The following UBA1 variants were observed in gnomAD, a reference collection of about 807,000 sequenced individuals.
The protein encoded by UBA1 is ubiquitin like modifier activating enzyme 1.
In UBA1, 4 loss-of-function variants were observed where a neutral mutation model predicts 84.7. The observed-to-expected ratio is 0.05, with a 90% CI of 0.02 to 0.11. UBA1 has a LOEUF of 0.11. Among genes scored for constraint, UBA1 ranks in the 10% least tolerant of loss-of-function variants. UBA1 has a pLI of 1.00. For missense variants in UBA1, 513 were observed against 902.8 expected (o/e 0.57, Z 5.53); for synonymous variants, 364 against 362.6 (o/e 1.00, Z -0.04).
At position 47,206,287 on chromosome X, in the gene UBA1, C is replaced by T; in HGVS notation, c.1781C>T (p.Pro594Leu). 8.3e-7 allele frequency: 1 copy of T among 1,210,225 alleles called. No homozygotes were observed. Among genetic ancestry groups the T allele is most frequent in the Non-Finnish European group, 1.1e-6 (1 of 894,596 alleles). Reference protein sequence around the residue: ...MDRRCVYYRKPLLESGTLGTK... With the variant: ...MDRRCVYYRKLLLESGTLGTK... ...CGCCGCTGTGTCTACTACCGGAAGC[C>T]ACTGCTGGAGTCAGGCACACTGGGC... The change falls in exon 16 of 26, where the codon CCA becomes CTA. Residue 594 changes from proline (P) to leucine (L), a missense_variant. By Grantham distance (98) the Pro-to-Leu change is moderately conservative. This residue lies in a region of UBA1 where 40 missense variants were observed against 138.3 expected (regional missense o/e 0.29). Transcript: ENST00000335972.
intron 18 of UBA1, among the ~76,000 whole-genome samples, chrX:47,210,356 A>T (rs781957410): frequency 2.7e-5 from 3 of 111,826 alleles, no homozygotes; most frequent in Non-Finnish European, 5.6e-5. Flanking sequence ...CCTGATTCCC[A>T]GTCAGGGCTG....
In UBA1 at chrX:47,210,861, C is replaced by T. The variant is rs1936886935; in HGVS notation, c.2219C>T (p.Pro740Leu). 2.5e-6 allele frequency: 3 copies of T among 1,211,434 alleles called. No individual in the cohort carries two copies. Among genetic ancestry groups the T allele is most frequent in the Non-Finnish European group, 3.4e-6 (3 of 895,346 alleles). The change falls in exon 19 of 26, where the codon CCG becomes CTG. Residue 740 changes from proline to leucine, a missense_variant. This residue lies in a region of UBA1 where 40 missense variants were observed against 138.3 expected (regional missense o/e 0.29). Coordinates refer to ENST00000335972, the MANE Select transcript of UBA1 (RefSeq NM_003334.4). ...CCTTAGCTCACAAGCTCAGGAGCGC[C>T]GTTCTGGTCTGGGCCCAAACGCTGT... ...PPDQLTSSGA[P>L]FWSGPKRCPH...
intron 16 of UBA1, among the ~76,000 whole-genome samples, chrX:47,207,264 C>T (rs1488263362): frequency 3.6e-5 from 4 of 111,803 alleles, no homozygotes; most frequent in African/African-American, 1.3e-4. Context: ...ATCTACAGAA[C>T]AGTGCATATA....
In UBA1 at chrX:47,209,518, G is replaced by A. The variant is rs782534163; in HGVS notation, c.1939-105G>A. 526 of 742,596 alleles carry A rather than the reference G, an allele frequency of 7.1e-4. 3 individuals carry two copies. In the African/African-American group the frequency reaches 8.9e-3, roughly 13 times the overall value. 61.2% of individuals were successfully genotyped at this position (742,596 alleles called of 1,213,427 possible). A position where few individuals can be genotyped will look rare whatever the true frequency, so the allele number is the denominator to read the frequency against. On this transcript the variant is annotated intron_variant, in intron 16 of 25. Transcript: ENST00000335972. ...GGGCTTCCCCACTTCCAGAGTAGCTGTGCGCCTTGTACTTGCTTTATTCAC... is the reference window on the plus strand; with the variant it reads ...GGGCTTCCCCACTTCCAGAGTAGCTATGCGCCTTGTACTTGCTTTATTCAC...
chrX:47,192,541 A>C (rs1556784485), upstream of UBA1, among the ~76,000 whole-genome samples: 1 of 111,137 alleles, frequency 9.0e-6, no homozygotes, highest in African/African-American at 3.3e-5. Context: ...AAAATTTAAC[A>C]GTGCCTTGTG....
chrX:47,208,137 A>G (rs189436485), intron 16 of UBA1, among the ~76,000 whole-genome samples: 1 of 112,654 alleles, frequency 8.9e-6, no homozygotes, highest in African/African-American at 3.2e-5. Flanking sequence ...TGTCCTAGGA[A>G]TTCTCAGAGG....
rs782336458 is a variant in UBA1 at position 47,199,278 on chromosome X, C to T, written c.246C>T (p.Gly82=). Residue 82 remains glycine, a synonymous_variant, in exon 4 of 26, where the codon GGC becomes GGT. Transcript: ENST00000335972. Reference sequence around the variant, plus strand: ...GTGTCCTGGTATCAGGCCTGCGGGGCCTGGGCGTGGAGATCGCTAAGAACA... The same window carrying T: ...GTGTCCTGGTATCAGGCCTGCGGGGTCTGGGCGTGGAGATCGCTAAGAACA... ...TSSVLVSGLR[G]LGVEIAKNII... The T allele has an allele frequency of 7.4e-6, 9 of 1,212,037 alleles. No homozygotes were observed. The highest frequency in any genetic ancestry group is 1.0e-5 in the Non-Finnish European group (9 of 895,534).
At chrX:47,209,839 G>T in intron 17 of UBA1, 89 bp from the exon 18 acceptor site, 1 of 1,133,543 alleles carries the variant, frequency 8.8e-7, no homozygotes, top group African/African-American at 1.8e-5. Context: ...GTCGGGACTA[G>T]TTTTCCATGG....
chrX:47,202,827 G>C lies in UBA1; in HGVS notation c.1233+13G>C. ...GGAAGTCATGAAGGTCAGCACGGGT[G>C]GGGAGAGGCAGGATTGGGGTGGGCC... On this transcript the variant is annotated intron_variant, in intron 11 of 25. Transcript: ENST00000335972. 2.5e-6 allele frequency: 3 copies of C among 1,205,468 alleles called. No homozygotes were observed. Among genetic ancestry groups the C allele is most frequent in the South Asian group, 1.8e-5 (1 of 55,870 alleles).
At chrX:47,210,966 T>TG (rs1556793191) in intron 19 of UBA1, 50 bp downstream of exon 19, 1 of 1,207,858 alleles carries the variant, frequency 8.3e-7, no homozygotes, top group African/African-American at 1.7e-5. Context: ...GGTGAATAGG[T>TG]GGGAAGGAGG....
rs1936415717 is a variant in UBA1, at chrX:47,201,482, A to G, written c.683A>G (p.Asn228Ser). 1 of 1,211,221 alleles carries G rather than the reference A, an allele frequency of 8.3e-7. No individual in the cohort carries two copies. Among genetic ancestry groups the G allele is most frequent in the African/African-American group, 1.7e-5 (1 of 57,585 alleles). The change falls in exon 8 of 26, where the codon AAC (asparagine) becomes AGC (serine). Residue 228 changes from asparagine to serine, a missense_variant. Physicochemically the swap from Asn to Ser is conservative, Grantham distance 46. Around this residue, in one of 6 missense-constraint regions of UBA1, gnomAD observed 227 missense variants for 339.1 expected, o/e 0.67. Transcript: ENST00000335972. ...SAMVSMVTKD[N>S]PGVVTCLDEA... ...ACTCACTCTTCCTTTAACCAGGACAACCCCGGTGTGGTTACCTGCCTGGAT... is the reference window on the plus strand; with the variant it reads ...ACTCACTCTTCCTTTAACCAGGACAGCCCCGGTGTGGTTACCTGCCTGGAT...
At chrX:47,210,748 T>A in intron 18 of UBA1, 94 bp from the exon 19 acceptor site, 1 of 927,251 alleles carries the variant, frequency 1.1e-6, no homozygotes, top group Non-Finnish European at 1.5e-6. Flanking sequence ...AGATAGTGAA[T>A]TGGGGGCACA....
At position 47,213,144 on chromosome X, in the gene UBA1, T is replaced by C. The variant is rs1224880996; in HGVS notation, c.2801T>C (p.Phe934Ser). ...NGFLNLALPF[F>S]GFSEPLAAPR... Reference sequence around the variant, plus strand: ...TTCCTCAACTTGGCCCTGCCTTTCTTTGGTTTCTCTGAACCCCTTGCCGCA... The same window carrying C: ...TTCCTCAACTTGGCCCTGCCTTTCTCTGGTTTCTCTGAACCCCTTGCCGCA... The change falls in exon 23 of 26, where the codon TTT becomes TCT. Residue 934 changes from phenylalanine to serine, a missense_variant. This residue lies in a region of UBA1 where 151 missense variants were observed against 260.1 expected (regional missense o/e 0.58). Transcript: ENST00000335972. The C allele has an allele frequency of 5.8e-6, 7 of 1,210,024 alleles. No homozygotes were observed. Among genetic ancestry groups the C allele is most frequent in the Non-Finnish European group, 7.8e-6 (7 of 895,285 alleles).
At chrX:47,197,581 G>A in intron 1 of UBA1, 1 of 750,046 alleles carries the variant, frequency 1.3e-6, no homozygotes, top group Non-Finnish European at 1.6e-6. Flanking sequence ...TCCAGCATGT[G>A]GACCCAGTCA....
chrX:47,197,496 G>A (rs1483085292), intron 1 of UBA1: 2 of 752,957 alleles, frequency 2.7e-6, no homozygotes, highest in African/African-American at 4.6e-5. Flanking sequence ...AGTGTGGGAG[G>A]ACTTGTGTGA....
In UBA1 at chrX:47,202,125, AGACT is replaced by A. The variant is rs782224282; in HGVS notation, c.812-27_812-24del. The A allele has an allele frequency of 3.5e-6, 4 of 1,140,844 alleles. No individual in the cohort carries two copies. In the African/African-American group the frequency reaches 5.4e-5, roughly 15 times the overall value. 94.0% of individuals were successfully genotyped at this position (1,140,844 alleles called of 1,213,427 possible). On this transcript the variant is annotated intron_variant, in intron 8 of 25. Transcript: ENST00000335972. Reference sequence around the variant, plus strand: ...GTTGTGGATTTTAGGGAGAATGGGTAGACTGACAGCTCTCTTCCTGCCCTCTGTA... The same window carrying A: ...GTTGTGGATTTTAGGGAGAATGGGTAGACAGCTCTCTTCCTGCCCTCTGTA...
intron 1 of UBA1, among the ~76,000 whole-genome samples, chrX:47,196,567 G>A (rs1936213473): frequency 9.0e-6 from 1 of 111,124 alleles, no homozygotes; most frequent in African/African-American, 3.3e-5. Context: ...TAGGAAGGGT[G>A]TAGATTGTTT....
rs191495669 is a variant in UBA1, at chrX:47,194,730, G to A, written c.-1+706G>A. Among the ~76,000 whole-genome samples, 67 of 111,573 alleles carry A rather than the reference G, an allele frequency of 6.0e-4. No individual in the cohort carries two copies. In the East Asian group the frequency reaches 0.016, roughly 27 times the overall value. On this transcript the variant is annotated intron_variant, in intron 1 of 25. Transcript: ENST00000335972. ...ACTCTGCCCAGTATTTCTACTCAGA[G>A]ACCCCTCTTACCATCTGCCTTGAGA...
At chrX:47,201,070 T>C (rs1556787772) in intron 6 of UBA1, 70 bp downstream of exon 6, 1 of 990,011 alleles carries the variant, frequency 1.0e-6, no homozygotes, top group Non-Finnish European at 1.4e-6. Context: ...GCCAAGACTC[T>C]AGGCTCTCCC....
Sources: allele counts gnomAD v4.1 joint callset (sites outside exome capture counted in the v4.1 genomes callset), GRCh38; gene constraint gnomAD v4.1.1; regional missense constraint gnomAD v4.1.1; transcripts MANE v1.5; gene names NCBI Gene and HGNC (gene_info 2026-07-23, HGNC 2026-07-21).